PDE3A: variants seen among roughly 807,000 people sequenced by gnomAD.
The protein encoded by PDE3A is phosphodiesterase 3A.
PDE3A carries 43 observed loss-of-function variants against 98.3 expected under a neutral mutation model. The ratio of observed to expected loss-of-function variants is 0.44; its 90% CI spans 0.34 to 0.56. PDE3A has a LOEUF of 0.56. PDE3A is among the 20% of genes least tolerant of loss of function. The pLI, the probability that PDE3A is intolerant of heterozygous loss-of-function variation, is 0.01. For missense variants in PDE3A, 1,427 were observed against 1,440.7 expected (o/e 0.99, Z 0.15); for synonymous variants, 663 against 567.9 (o/e 1.17, Z -2.38).
intron 1 of PDE3A, among the ~76,000 whole-genome samples, chr12:20,470,045 C>T (rs61453719): frequency 0.055 from 8,367 of 152,060 alleles, 263 homozygotes; most frequent in Middle Eastern, 0.065. Context: ...CCAAGTCTTC[C>T]TGGAAATCAT....
At chr12:20,565,237 G>A (rs1219336463) in intron 2 of PDE3A, among the ~76,000 whole-genome samples, 6 of 151,960 alleles carry the variant, frequency 3.9e-5, no homozygotes, top group African/African-American at 1.4e-4. Flanking sequence ...CCTTCCACTT[G>A]AGAGAATAAC....
At position 20,552,837 on chromosome 12, in the gene PDE3A, G is replaced by T. The variant is rs1193120039; in HGVS notation, c.961-3823G>T. 4 of 1,613,898 alleles carry T rather than the reference G, an allele frequency of 2.5e-6. No homozygotes were observed. Among genetic ancestry groups the T allele is most frequent in the Non-Finnish European group, 3.4e-6 (4 of 1,179,850 alleles). ...AGGAGCTGGTGTTCCGGCCCATCAC[G>T]ACCGTGTGCCAGCACAACGTGTGCA... On this transcript the variant is annotated intron_variant, in intron 1 of 15. Transcript: ENST00000359062. The surrounding 1 kb of genome is among the most constrained non-coding windows in gnomAD (Gnocchi z 5.1).
rs576548507 is a variant in PDE3A, at chr12:20,499,965, A to T, written c.961-56695A>T. 2.2e-4 allele frequency among the ~76,000 whole-genome samples: 33 copies of T among 152,284 alleles called. No homozygotes were observed. The South Asian group carries it at 6.8e-3, about 32-fold the overall frequency. ...GAGCTGAGTTTAACAAGATTAAATGACTTGCTGAGGGCACCAGCAAAGCCT... is the reference window on the plus strand; with the variant it reads ...GAGCTGAGTTTAACAAGATTAAATGTCTTGCTGAGGGCACCAGCAAAGCCT... On this transcript the variant is annotated intron_variant, in intron 1 of 15. Transcript: ENST00000359062.
intron 1 of PDE3A, among the ~76,000 whole-genome samples, chr12:20,407,367 T>G (rs1944251453): frequency 6.6e-6 from 1 of 152,322 alleles, no homozygotes; most frequent in South Asian, 2.1e-4. Context: ...CATGAAAAAC[T>G]TTTTTTAAAA....
chr12:20,484,041 G>GT (rs1217559311), intron 1 of PDE3A, among the ~76,000 whole-genome samples: 3 of 151,784 alleles, frequency 2.0e-5, no homozygotes, highest in African/African-American at 7.3e-5. Context: ...TTTTGTTTTT[G>GT]TTTTTTCTTT....
At chr12:20,559,565 G>A (rs1942460920) in intron 2 of PDE3A, among the ~76,000 whole-genome samples, 1 of 151,604 alleles carries the variant, frequency 6.6e-6, no homozygotes, top group South Asian at 2.1e-4. Flanking sequence ...CAGATACTCG[G>A]GAGGTTGAGA....
intron 1 of PDE3A, among the ~76,000 whole-genome samples, chr12:20,507,126 T>TC (rs548570376): frequency 1.6e-3 from 238 of 152,100 alleles, no homozygotes; most frequent in Non-Finnish European, 2.2e-3. Context: ...TTTATTTTTT[T>TC]CCCCTCATCC....
At chr12:20,438,170 A>G (rs1046440665) in intron 1 of PDE3A, among the ~76,000 whole-genome samples, 1 of 152,138 alleles carries the variant, frequency 6.6e-6, no homozygotes, top group African/African-American at 2.4e-5. Context: ...CATTTTCTCC[A>G]GAGTGCTCTA....
intron 15 of PDE3A, among the ~76,000 whole-genome samples, chr12:20,669,493 C>T (rs1308642977): frequency 4.3e-4 from 65 of 151,914 alleles, no homozygotes; most frequent in African/African-American, 1.5e-3. Context: ...AGACTAACAG[C>T]AGATCTCTCG....
chr12:20,611,445 G>T (rs1436576385), intron 2 of PDE3A, among the ~76,000 whole-genome samples: 1 of 151,564 alleles, frequency 6.6e-6, no homozygotes, highest in African/African-American at 2.4e-5. Flanking sequence ...TCACCGTACT[G>T]GTTCAACACT....
At chr12:20,512,695 G>A (rs556845377) in intron 1 of PDE3A, among the ~76,000 whole-genome samples, 9 of 152,064 alleles carry the variant, frequency 5.9e-5, no homozygotes, top group African/African-American at 1.4e-4. Flanking sequence ...GCATCTTAGA[G>A]CCTACATTTA....
At chr12:20,447,396 G>A (rs146613137) in intron 1 of PDE3A, among the ~76,000 whole-genome samples, 22 of 152,322 alleles carry the variant, frequency 1.4e-4, no homozygotes, top group African/African-American at 4.6e-4. Context: ...GATGGGGGCT[G>A]GTCACCAGAA....
At chr12:20,623,162 G>C (rs1026206960) in intron 5 of PDE3A, among the ~76,000 whole-genome samples, 1 of 152,050 alleles carries the variant, frequency 6.6e-6, no homozygotes, top group Non-Finnish European at 1.5e-5. Flanking sequence ...AGAAAGATCG[G>C]AAGAAATTAT....
intron 10 of PDE3A, among the ~76,000 whole-genome samples, chr12:20,645,016 G>A (rs924289679): frequency 9.9e-5 from 15 of 151,666 alleles, no homozygotes; most frequent in Non-Finnish European, 1.8e-4. Context: ...AGCCTCCCGA[G>A]TAGCTGGGAT....
chr12:20,531,375 C>T (rs1941594962), intron 1 of PDE3A, among the ~76,000 whole-genome samples: 1 of 152,002 alleles, frequency 6.6e-6, no homozygotes, highest in South Asian at 2.1e-4. Context: ...AAAGATAATT[C>T]TATACTTCGG....
At chr12:20,642,593 A>C (rs1165744880) in intron 10 of PDE3A, among the ~76,000 whole-genome samples, 2 of 152,192 alleles carry the variant, frequency 1.3e-5, no homozygotes, top group Non-Finnish European at 2.9e-5. Context: ...TCTCTAAAGC[A>C]TATTCTCCCT....
chr12:20,523,221 G>A (rs948166593), intron 1 of PDE3A, among the ~76,000 whole-genome samples: 1 of 151,944 alleles, frequency 6.6e-6, no homozygotes, highest in Non-Finnish European at 1.5e-5. Flanking sequence ...TTTCTGTTTC[G>A]GAGTCCTTGG....
chr12:20,638,601 C>T (rs997101838), intron 9 of PDE3A, among the ~76,000 whole-genome samples: 2 of 152,060 alleles, frequency 1.3e-5, no homozygotes, highest in African/African-American at 4.8e-5. Flanking sequence ...TTAGGGATCC[C>T]CCTGGGAGAT....
intron 1 of PDE3A, among the ~76,000 whole-genome samples, chr12:20,395,381 A>G (rs1341370293): frequency 6.6e-6 from 1 of 151,598 alleles, no homozygotes; most frequent in Non-Finnish European, 1.5e-5. Context: ...GATGGTAGAA[A>G]TATTAACAGA....
Sources: gnomAD v4.1 joint callset for allele counts (sites outside exome capture counted in the v4.1 genomes callset) on GRCh38, gnomAD v4.1.1 for gene constraint, Gnocchi (gnomAD v3.1) non-coding constraint, MANE v1.5 for transcripts, NCBI Gene and HGNC (gene_info 2026-07-23, HGNC 2026-07-21) for gene names.